The following SULF2 variants were observed in gnomAD, a reference collection of about 807,000 sequenced individuals.
SULF2 encodes the protein extracellular sulfatase Sulf-2.
SULF2 carries 52 observed loss-of-function variants against 107.7 expected under a neutral mutation model. That is an observed-to-expected ratio of 0.48 (90% CI 0.39 to 0.61). The LOEUF is 0.61. Among genes scored for constraint, SULF2 ranks in the 20% least tolerant of loss-of-function variants. The pLI, the probability that SULF2 is intolerant of heterozygous loss-of-function variation, is 0.00. For missense variants in SULF2, 993 were observed against 1,177.3 expected (o/e 0.84, Z 2.29); for synonymous variants, 460 against 464.3 (o/e 0.99, Z 0.12).
chr20:47,759,556 G>A (rs2090371690), intron 1 of SULF2, among the ~76,000 whole-genome samples: 1 of 152,198 alleles, frequency 6.6e-6, no homozygotes, highest in Admixed American at 6.5e-5. Flanking sequence ...GCTGGGCATG[G>A]TGGCACATGC....
At chr20:47,713,788 C>CA (rs1032376918) in intron 3 of SULF2, among the ~76,000 whole-genome samples, 8 of 151,658 alleles carry the variant, frequency 5.3e-5, no homozygotes, top group Middle Eastern at 3.4e-3. Context: ...AAAACAGAAA[C>CA]AAAAAAGAAC....
intron 3 of SULF2, among the ~76,000 whole-genome samples, chr20:47,733,005 C>A (rs2089649621): frequency 6.6e-6 from 1 of 152,228 alleles, no homozygotes; most frequent in African/African-American, 2.4e-5. Context: ...TAGCTTCTCT[C>A]ATTTTGTCTT....
At chr20:47,686,523 G>T (rs904704689) in intron 5 of SULF2, among the ~76,000 whole-genome samples, 1 of 152,230 alleles carries the variant, frequency 6.6e-6, no homozygotes, top group East Asian at 1.9e-4. Context: ...CCCAGTCAAG[G>T]CTGAAGTAAA....
intron 1 of SULF2, among the ~76,000 whole-genome samples, chr20:47,762,972 T>G (rs2090448161): frequency 6.6e-6 from 1 of 152,266 alleles, no homozygotes. Context: ...TCTCGTGGCC[T>G]CATGCCAGTT....
chr20:47,782,029 CCTT>C (rs1203561399), intron 1 of SULF2, among the ~76,000 whole-genome samples: 2 of 152,190 alleles, frequency 1.3e-5, no homozygotes, highest in Admixed American at 6.5e-5. Context: ...CTTCTTTTCT[CCTT>C]AAGCTGGCTT....
chr20:47,664,046 T>G, intron 15 of SULF2, 84 bp downstream of exon 15: 1 of 1,448,456 alleles, frequency 6.9e-7, no homozygotes. Context: ...TTCTTTCCTT[T>G]TCTTCTGAGT....
chr20:47,755,930 C>T (rs1348288562), intron 2 of SULF2, among the ~76,000 whole-genome samples: 1 of 151,308 alleles, frequency 6.6e-6, no homozygotes, highest in African/African-American at 2.4e-5. Flanking sequence ...TTTTTTGCTC[C>T]AAACCACCGA....
intron 3 of SULF2, among the ~76,000 whole-genome samples, chr20:47,728,006 G>T (rs910541292): frequency 3.9e-5 from 6 of 152,204 alleles, no homozygotes; most frequent in Non-Finnish European, 8.8e-5. Context: ...TCCCAGGAGG[G>T]GCTGTGCAAT....
chr20:47,759,559 G>A (rs1210403719), intron 1 of SULF2, among the ~76,000 whole-genome samples: 1 of 152,192 alleles, frequency 6.6e-6, no homozygotes, highest in Non-Finnish European at 1.5e-5. Context: ...GGGCATGGTG[G>A]CACATGCCTG....
intron 1 of SULF2, among the ~76,000 whole-genome samples, chr20:47,779,948 C>G (rs1489550253): frequency 2.0e-5 from 3 of 151,558 alleles, no homozygotes; most frequent in African/African-American, 7.3e-5. Flanking sequence ...AATTTCTTAG[C>G]ATGGCCTGTA....
chr20:47,730,520 G>A (rs369378504), intron 3 of SULF2, among the ~76,000 whole-genome samples: 32 of 152,120 alleles, frequency 2.1e-4, no homozygotes, highest in African/African-American at 7.2e-4. Context: ...GTGCAATCTC[G>A]GCTCACTGCA....
intron 4 of SULF2, 73 bp from the exon 5 acceptor site, chr20:47,690,368 C>T (rs1017919155): frequency 1.6e-6 from 2 of 1,253,044 alleles, no homozygotes; most frequent in African/African-American, 1.5e-5. Context: ...ACGTGCCAGG[C>T]ACCCTGCTAG....
Position 47,661,904 on chromosome 20 carries a change from C to A in SULF2, c.2371-8G>T. ...GTTCACTGCATTCATCAGCTGGTTGCAAAAAAGGTAGTCTGTCAACAAGGT... is the reference window on the plus strand; with the variant it reads ...GTTCACTGCATTCATCAGCTGGTTGAAAAAAAGGTAGTCTGTCAACAAGGT... On this transcript the variant is annotated splice_polypyrimidine_tract_variant and splice_region_variant and intron_variant, in intron 17 of 20. Coordinates refer to ENST00000688720, the MANE Select transcript of SULF2 (RefSeq NM_001387048.1). The A allele has an allele frequency of 6.5e-7, 1 of 1,533,876 alleles. No homozygotes were observed. The highest frequency in any genetic ancestry group is 1.4e-5 in the African/African-American group (1 of 72,802).
Position 47,665,264 on chromosome 20 carries a change from GTTC to G in SULF2, c.1929_1931del (p.Lys643del). On this transcript the variant is annotated inframe_deletion, in exon 14 of 21. Coordinates refer to ENST00000688720, the MANE Select transcript of SULF2 (RefSeq NM_001387048.1). ...TCAGGTGACCTCGGACTTCCCTCAG[GTTC>G]TTAATTTTGTTCTGCAGGGTTTCAA... 6.2e-7 allele frequency: 1 copy of G among 1,613,832 alleles called. No individual in the cohort carries two copies. The highest frequency in any genetic ancestry group is 8.5e-7 in the Non-Finnish European group (1 of 1,179,776).
intron 3 of SULF2, among the ~76,000 whole-genome samples, chr20:47,728,684 C>A (rs1293718962): frequency 1.3e-5 from 2 of 152,180 alleles, no homozygotes; most frequent in Non-Finnish European, 2.9e-5. Flanking sequence ...CATTCTGTCA[C>A]CCAAGCGACA....
At chr20:47,754,322 A>G (rs2090230004) in intron 2 of SULF2, among the ~76,000 whole-genome samples, 1 of 152,260 alleles carries the variant, frequency 6.6e-6, no homozygotes, top group African/African-American at 2.4e-5. Context: ...TGGGCAGAAA[A>G]TAGCAAATGA....
At chr20:47,700,677 G>A (rs543517192) in intron 4 of SULF2, among the ~76,000 whole-genome samples, 7 of 131,306 alleles carry the variant, frequency 5.3e-5, no homozygotes, top group South Asian at 4.7e-4. Context: ...ATGGAGTCTC[G>A]CTCTGTCTCC....
chr20:47,703,342 A>C (rs77364654), intron 3 of SULF2, among the ~76,000 whole-genome samples: 3,753 of 152,332 alleles, frequency 0.025, 165 homozygotes, highest in African/African-American at 0.086. Flanking sequence ...AGATTCTGCC[A>C]ACATACTGTG....
intron 1 of SULF2, among the ~76,000 whole-genome samples, chr20:47,779,197 C>G (rs2090777741): frequency 6.6e-6 from 1 of 152,186 alleles, no homozygotes; most frequent in African/African-American, 2.4e-5. Flanking sequence ...TGGGGTCATC[C>G]CGTACATTGC....
Sources: gnomAD v4.1 joint callset for allele counts (sites outside exome capture counted in the v4.1 genomes callset) on GRCh38, gnomAD v4.1.1 for gene constraint, MANE v1.5 for transcripts, NCBI Gene and HGNC (gene_info 2026-07-23, HGNC 2026-07-21) for gene names.